LRCH1: variants seen among roughly 807,000 people sequenced by gnomAD.
The protein encoded by LRCH1 is leucine rich repeats and calponin homology domain containing 1, also known as leucine-rich repeat and calponin homology domain-containing protein 1.
Under a neutral mutation model 94.9 loss-of-function variants are expected in LRCH1, and 23 were observed. That is an observed-to-expected ratio of 0.24 (90% CI 0.17 to 0.34). LRCH1 has a LOEUF of 0.34. LRCH1 is among the 10% of genes least tolerant of loss of function. The pLI, the probability that LRCH1 is intolerant of heterozygous loss-of-function variation, is 1.00. For missense variants in LRCH1, 790 were observed against 945.9 expected, an observed-to-expected ratio of 0.84 and a Z score of 2.16; for synonymous variants, 364 against 354.9, an observed-to-expected ratio of 1.03 and a Z score of -0.29.
chr13:46,610,601 A>G (rs2050737748), intron 1 of LRCH1, among the ~76,000 whole-genome samples: 1 of 151,456 alleles, frequency 6.6e-6, no homozygotes, highest in African/African-American at 2.4e-5. Context: ...GAGTTACTTC[A>G]CTTAGAACAA....
intron 1 of LRCH1, among the ~76,000 whole-genome samples, chr13:46,644,882 G>T (rs774238298): frequency 6.6e-6 from 1 of 152,186 alleles, no homozygotes; most frequent in Non-Finnish European, 1.5e-5. Flanking sequence ...AGAATTAAAA[G>T]AGATCAGACA....
At chr13:46,620,003 A>G (rs2050862431) in intron 1 of LRCH1, among the ~76,000 whole-genome samples, 1 of 152,190 alleles carries the variant, frequency 6.6e-6, no homozygotes, top group African/African-American at 2.4e-5. Context: ...TTGGTTCGGC[A>G]CTAATTTAAA....
chr13:46,692,674 T>C, intron 8 of LRCH1, 33 bp downstream of exon 8: 1 of 1,516,092 alleles, frequency 6.6e-7, no homozygotes, highest in Non-Finnish European at 9.1e-7. Flanking sequence ...AAAGTGCTTG[T>C]TTTTCAGTTT....
At chr13:46,712,445 C>T in intron 14 of LRCH1, 80 bp from the exon 15 acceptor site, 2 of 1,139,122 alleles carry the variant, frequency 1.8e-6, no homozygotes, top group Non-Finnish European at 2.6e-6. Flanking sequence ...TGTTACAATC[C>T]TTGAACATAG....
intron 1 of LRCH1, among the ~76,000 whole-genome samples, chr13:46,574,827 T>G (rs1056274131): frequency 9.4e-5 from 14 of 149,552 alleles, no homozygotes; most frequent in African/African-American, 2.2e-4. Flanking sequence ...GTGGGGTTTT[T>G]TTTTTTTTTT....
At chr13:46,666,784 C>G (rs1377600295) in intron 2 of LRCH1, among the ~76,000 whole-genome samples, 7 of 152,256 alleles carry the variant, frequency 4.6e-5, no homozygotes, top group East Asian at 1.9e-4. Flanking sequence ...TCTGAAGGAG[C>G]CTTTTTTGGA....
At chr13:46,698,277 T>A (rs1871295280) in intron 9 of LRCH1, among the ~76,000 whole-genome samples, 1 of 152,168 alleles carries the variant, frequency 6.6e-6, no homozygotes, top group Admixed American at 6.5e-5. Context: ...GCTGGTGTTC[T>A]CTCCTAGCTA....
Position 46,741,989 on chromosome 13 carries a change from C to T in LRCH1, c.*141C>T. The T allele has an allele frequency of 2.7e-6, 4 of 1,505,324 alleles. No individual in the cohort carries two copies. The highest frequency in any genetic ancestry group is 3.5e-6 in the Non-Finnish European group (4 of 1,135,396). 93.2% of individuals were successfully genotyped at this position (1,505,324 alleles called of 1,614,324 possible). On this transcript the variant is annotated 3_prime_UTR_variant, in exon 20 of 20. Transcript: ENST00000389797. ...CTCGAGTTTTGAAGCTGAACAGTAG[C>T]AAATCAGATTTTCCAGAAGCACAAA...
chr13:46,741,452 G>A (rs940501926), intron 19 of LRCH1, among the ~76,000 whole-genome samples, 190 bp from the exon 20 acceptor site: 1 of 152,156 alleles, frequency 6.6e-6, no homozygotes, highest in African/African-American at 2.4e-5. Context: ...CACAAAATAG[G>A]TATTCTATTC....
chr13:46,642,873 C>T (rs1050804995), intron 1 of LRCH1, among the ~76,000 whole-genome samples: 2 of 152,070 alleles, frequency 1.3e-5, no homozygotes, highest in African/African-American at 2.4e-5. Flanking sequence ...GTCCAAGCCA[C>T]GCTCTAAAGT....
Position 46,585,624 on chromosome 13 carries a change from C to T in LRCH1, c.307+31921C>T, listed in dbSNP as rs564273831. On this transcript the variant is annotated intron_variant, in intron 1 of 19. Transcript: ENST00000389797. ...CCGATTTTGTAGAAATTAGTGTGAT[C>T]TGAAGCTAGTTGTCCTGAATATGCT... Among the ~76,000 whole-genome samples, 149 of 151,044 alleles carry T rather than the reference C, an allele frequency of 9.9e-4. 1 individual carries two copies. The highest frequency in any genetic ancestry group is 3.4e-3 in the African/African-American group (141 of 41,124).
At chr13:46,655,098 G>T (rs1332132609) in intron 2 of LRCH1, among the ~76,000 whole-genome samples, 1 of 152,152 alleles carries the variant, frequency 6.6e-6, no homozygotes, top group Non-Finnish European at 1.5e-5. Flanking sequence ...TATTTCAGCT[G>T]AGTAAACAGC....
chr13:46,711,659 CTAAT>C, intron 13 of LRCH1, 128 bp from the exon 14 acceptor site: 1 of 599,042 alleles, frequency 1.7e-6, no homozygotes, highest in Non-Finnish European at 3.0e-6. Flanking sequence ...AACACACTAA[CTAAT>C]TAATTCAACA....
intron 1 of LRCH1, among the ~76,000 whole-genome samples, chr13:46,595,417 T>C (rs2050550031): frequency 6.6e-6 from 1 of 152,204 alleles, no homozygotes; most frequent in South Asian, 2.1e-4. Flanking sequence ...TGTTTCCATA[T>C]TGCACACTCA....
intron 18 of LRCH1, among the ~76,000 whole-genome samples, chr13:46,731,332 G>A (rs977488140): frequency 3.3e-5 from 5 of 152,040 alleles, no homozygotes; most frequent in Admixed American, 3.3e-4. Context: ...CTGCCCCCAG[G>A]GTTCAAGCGT....
chr13:46,561,253 G>C (rs868605121), intron 1 of LRCH1, among the ~76,000 whole-genome samples: 1 of 152,120 alleles, frequency 6.6e-6, no homozygotes, highest in African/African-American at 2.4e-5. Flanking sequence ...TTAAGTAATC[G>C]GGGACAGGTT....
At chr13:46,610,310 C>G (rs2050733719) in intron 1 of LRCH1, among the ~76,000 whole-genome samples, 1 of 152,078 alleles carries the variant, frequency 6.6e-6, no homozygotes. Context: ...TGTTCAAAGG[C>G]AGATTTCCTA....
At chr13:46,667,361 G>A (rs922450547) in intron 2 of LRCH1, among the ~76,000 whole-genome samples, 5 of 152,094 alleles carry the variant, frequency 3.3e-5, no homozygotes, top group African/African-American at 9.7e-5. Flanking sequence ...TCCCTCATAT[G>A]GAGGAGAGTC....
chr13:46,640,018 A>G (rs565364876), intron 1 of LRCH1, among the ~76,000 whole-genome samples: 4 of 152,314 alleles, frequency 2.6e-5, no homozygotes, highest in Non-Finnish European at 5.9e-5. Context: ...CCCAGTGTTT[A>G]TAAGGTGCAA....
Sources: allele counts gnomAD v4.1 joint callset (sites outside exome capture counted in the v4.1 genomes callset), GRCh38; gene constraint gnomAD v4.1.1; transcripts MANE v1.5; gene names NCBI Gene and HGNC (gene_info 2026-07-23, HGNC 2026-07-21).